GPHN: variants seen among roughly 807,000 people sequenced by gnomAD.
The protein encoded by GPHN is gephyrin.
GPHN carries 17 observed loss-of-function variants against 95.5 expected under a neutral mutation model. The ratio of observed to expected loss-of-function variants is 0.18; its 90% CI spans 0.12 to 0.27. The LOEUF is 0.27. Ranked by LOEUF, GPHN falls within the 10% of genes least tolerant of loss-of-function variation. The pLI is 1.00. For synonymous variants in GPHN, 320 were observed against 322.5 expected (o/e 0.99, Z 0.08); for missense variants, 660 against 978.1 (o/e 0.67, Z 4.34).
the GPHN span, among the ~76,000 whole-genome samples, chr14:67,296,585 CAAAAAAAAAA>C: frequency 1.4e-4 from 7 of 51,000 alleles, no homozygotes; most frequent in South Asian, 4.8e-4. Context: ...AACTCTGTCT[CAAAAAAAAAA>C]AAAAAAAAAA....
chr14:67,394,903 T>G, the GPHN span, among the ~76,000 whole-genome samples: 1 of 152,110 alleles, frequency 6.6e-6, no homozygotes, highest in Admixed American at 6.5e-5. Context: ...CTCAGCCCCC[T>G]CACTGTGTGA....
At chr14:67,232,127 C>T in the GPHN span, among the ~76,000 whole-genome samples, 6 of 152,202 alleles carry the variant, frequency 3.9e-5, no homozygotes, top group East Asian at 5.8e-4. Context: ...TTGGACTTAG[C>T]GCCTTGCTTC....
the GPHN span, among the ~76,000 whole-genome samples, chr14:67,372,504 G>C: frequency 2.6e-5 from 4 of 152,122 alleles, no homozygotes; most frequent in African/African-American, 9.7e-5. Flanking sequence ...AGACAAACCA[G>C]CATATTTTAA....
intron 3 of GPHN, among the ~76,000 whole-genome samples, chr14:66,817,974 A>G (rs1027596546): frequency 2.0e-5 from 3 of 152,176 alleles, no homozygotes; most frequent in Admixed American, 1.3e-4. Flanking sequence ...CAATGACTGT[A>G]TGACCATATT....
At chr14:67,713,830 C>G in the GPHN span, among the ~76,000 whole-genome samples, 1 of 152,098 alleles carries the variant, frequency 6.6e-6, no homozygotes, top group African/African-American at 2.4e-5. Flanking sequence ...TCGGTTTGGT[C>G]TGGAAAGGAG....
chr14:67,408,701 T>C, the GPHN span, among the ~76,000 whole-genome samples: 1 of 152,190 alleles, frequency 6.6e-6, no homozygotes, highest in East Asian at 1.9e-4. Context: ...GATCCTCCTC[T>C]ACAAGTTTCA....
chr14:66,680,022 C>A (rs1253551567), intron 1 of GPHN, among the ~76,000 whole-genome samples: 1 of 152,026 alleles, frequency 6.6e-6, no homozygotes, highest in Non-Finnish European at 1.5e-5. Flanking sequence ...TATTTTTCTT[C>A]AATTCTGTAT....
chr14:66,636,152 G>A (rs1162080593), intron 1 of GPHN, among the ~76,000 whole-genome samples: 1 of 152,018 alleles, frequency 6.6e-6, no homozygotes, highest in Non-Finnish European at 1.5e-5. Flanking sequence ...CTCCATTAGA[G>A]TTTCATTTAA....
chr14:66,625,084 T>C (rs1468179018), intron 1 of GPHN, among the ~76,000 whole-genome samples: 6 of 152,054 alleles, frequency 3.9e-5, no homozygotes, highest in Non-Finnish European at 7.4e-5. Flanking sequence ...TCTTTTTTTT[T>C]CTTCTTCTTC....
rs1050054086 is a variant in GPHN, at chr14:66,634,758, A to C, written c.65-46349A>C. ...AACCAGCTATAAGATTGCTTTTTTT[A>C]AAATTAAATATTAAGAGCCTTTCTT... On this transcript the variant is annotated intron_variant, in intron 1 of 22. Transcript: ENST00000478722. Among the ~76,000 whole-genome samples, 7 of 152,064 alleles carry C rather than the reference A, an allele frequency of 4.6e-5. No homozygotes were observed. The East Asian group carries it at 1.3e-3, about 29-fold the overall frequency.
chr14:67,213,829 G>A, the GPHN span, among the ~76,000 whole-genome samples: 4 of 152,260 alleles, frequency 2.6e-5, no homozygotes, highest in Non-Finnish European at 4.4e-5. Context: ...AGCACCTGTT[G>A]TTTCCTGACT....
chr14:66,618,259 T>C (rs1188737043), intron 1 of GPHN, among the ~76,000 whole-genome samples: 1 of 152,146 alleles, frequency 6.6e-6, no homozygotes, highest in Non-Finnish European at 1.5e-5. Flanking sequence ...TTGGCTACTT[T>C]TATTCATAAA....
At chr14:67,358,536 T>C in the GPHN span, among the ~76,000 whole-genome samples, 1 of 152,038 alleles carries the variant, frequency 6.6e-6, no homozygotes, top group East Asian at 1.9e-4. Flanking sequence ...GCTTCCTCAC[T>C]GAAAAGAAAA....
chr14:66,859,744 G>A (rs1447692301), intron 4 of GPHN, among the ~76,000 whole-genome samples: 1 of 152,130 alleles, frequency 6.6e-6, no homozygotes, highest in Non-Finnish European at 1.5e-5. Context: ...AAGGAATTCA[G>A]AATTCTGTCA....
intron 10 of GPHN, among the ~76,000 whole-genome samples, chr14:67,051,210 G>A (rs1021665887): frequency 6.6e-6 from 1 of 152,176 alleles, no homozygotes; most frequent in African/African-American, 2.4e-5. Flanking sequence ...GCTCCTGCGG[G>A]GAGAGACGGC....
chr14:66,637,451 C>T (rs2064160719), intron 1 of GPHN, among the ~76,000 whole-genome samples: 1 of 151,978 alleles, frequency 6.6e-6, no homozygotes, highest in Admixed American at 6.6e-5. Context: ...TTTTAGGGTA[C>T]TAACCAGTAA....
At chr14:67,343,594 A>G in the GPHN span, among the ~76,000 whole-genome samples, 2 of 152,254 alleles carry the variant, frequency 1.3e-5, no homozygotes, top group Non-Finnish European at 2.9e-5. Context: ...GGCTGGGCGC[A>G]TGGCTCACGC....
the GPHN span, chr14:67,579,764 A>G: frequency 6.2e-7 from 1 of 1,612,890 alleles, no homozygotes; most frequent in Non-Finnish European, 8.5e-7. Context: ...GAGTTCCTCC[A>G]GCGGCTGAAC....
chr14:67,321,374 G>A, the GPHN span: 1 of 934,832 alleles, frequency 1.1e-6, no homozygotes, highest in East Asian at 2.4e-5. Flanking sequence ...GTTCTCATAC[G>A]GTTTTTCCCA....
Sources: allele counts gnomAD v4.1 joint callset (sites outside exome capture counted in the v4.1 genomes callset), GRCh38; gene constraint gnomAD v4.1.1; transcripts MANE v1.5; gene names NCBI Gene and HGNC (gene_info 2026-07-23, HGNC 2026-07-21).